The following CHD6 variants were observed in gnomAD, a reference collection of about 807,000 sequenced individuals.
CHD6 encodes the protein chromodomain helicase DNA binding protein 6, also known as ATP-dependent chromatin remodeler CHD6.
Under a neutral mutation model 276.9 loss-of-function variants are expected in CHD6, and 50 were observed. The observed-to-expected ratio is 0.18, with a 90% CI of 0.14 to 0.23. CHD6 has a LOEUF of 0.23. CHD6 is among the 10% of genes least tolerant of loss of function. The pLI is 1.00. For missense variants in CHD6, 2,564 were observed against 3,365.8 expected (o/e 0.76, Z 5.89); for synonymous variants, 1,173 against 1,229.3 (o/e 0.95, Z 0.96).
At chr20:41,593,547 G>C (rs965654134) in intron 1 of CHD6, among the ~76,000 whole-genome samples, 1 of 152,240 alleles carries the variant, frequency 6.6e-6, no homozygotes, top group African/African-American at 2.4e-5. Context: ...TTTTTCTCTG[G>C]TGACAACCCC....
At chr20:41,553,732 C>G (rs2045180463) in intron 1 of CHD6, among the ~76,000 whole-genome samples, 1 of 152,222 alleles carries the variant, frequency 6.6e-6, no homozygotes, top group Admixed American at 6.5e-5. Flanking sequence ...TAAAGATCGC[C>G]TTGCTGAGAG....
At chr20:41,540,470 T>G (rs924284580) in intron 2 of CHD6, among the ~76,000 whole-genome samples, 54 of 152,228 alleles carry the variant, frequency 3.5e-4, no homozygotes, top group African/African-American at 1.3e-3. Context: ...TTTACAGACT[T>G]CTATAATAAG....
In CHD6 at chr20:41,478,228, C is replaced by G. The variant is rs6129845; in HGVS notation, c.2469-4711G>C. Among the ~76,000 whole-genome samples, 10 of 152,236 alleles carry G rather than the reference C, an allele frequency of 6.6e-5. No homozygotes were observed. The East Asian group carries it at 1.7e-3, about 27-fold the overall frequency. On this transcript the variant is annotated intron_variant, in intron 16 of 36. Transcript: ENST00000373233. The stretch of plus-strand genomic sequence containing the variant: ...TTCTGGTTGGCTCCACAGTGCCCCC[C>G]CATCTGATGGCCTAAGATATCAGAC...
At chr20:41,593,961 C>T (rs937440845) in intron 1 of CHD6, among the ~76,000 whole-genome samples, 61 of 148,202 alleles carry the variant, frequency 4.1e-4, no homozygotes, top group African/African-American at 1.4e-3. Flanking sequence ...ATGGCCCTAA[C>T]GAACTAATGC....
intron 1 of CHD6, among the ~76,000 whole-genome samples, chr20:41,571,258 A>T (rs2045412595): frequency 6.6e-6 from 1 of 152,198 alleles, no homozygotes; most frequent in African/African-American, 2.4e-5. Flanking sequence ...GTGAGGCCAT[A>T]AAAAAGCTTA....
chr20:41,544,357 A>G (rs1358710086), intron 2 of CHD6, among the ~76,000 whole-genome samples: 1 of 152,176 alleles, frequency 6.6e-6, no homozygotes, highest in Non-Finnish European at 1.5e-5. Flanking sequence ...AGCTGCTTCA[A>G]AAACTTGGTC....
At chr20:41,427,654 A>G (rs2047407783) in intron 27 of CHD6, among the ~76,000 whole-genome samples, 1 of 152,228 alleles carries the variant, frequency 6.6e-6, no homozygotes, top group South Asian at 2.1e-4. Flanking sequence ...AAACATATTT[A>G]TAACAGAAGT....
Position 41,544,161 on chromosome 20 carries a change from A to T in CHD6, c.33+7144T>A, listed in dbSNP as rs2044996965. On this transcript the variant is annotated intron_variant, in intron 2 of 36. Transcript: ENST00000373233. ...AGGCTGAGGCATGATAATTGCTTGA[A>T]CCCGGGAGGTGGAGGTTGCAGTGAG... Among the ~76,000 whole-genome samples, 5 of 151,856 alleles carry T rather than the reference A, an allele frequency of 3.3e-5. No individual in the cohort carries two copies. The South Asian group carries it at 1.0e-3, about 32-fold the overall frequency.
At chr20:41,561,454 G>A (rs1295500401) in intron 1 of CHD6, among the ~76,000 whole-genome samples, 1 of 151,982 alleles carries the variant, frequency 6.6e-6, no homozygotes, top group Non-Finnish European at 1.5e-5. Context: ...TCTTCTCTTG[G>A]GTCATTATAG....
chr20:41,588,280 T>G (rs1465160654), intron 1 of CHD6, among the ~76,000 whole-genome samples: 2 of 152,160 alleles, frequency 1.3e-5, no homozygotes, highest in African/African-American at 4.8e-5. Flanking sequence ...AATAAGAATT[T>G]TATTTTCACT....
At chr20:41,593,431 G>C (rs967147039) in intron 1 of CHD6, among the ~76,000 whole-genome samples, 1 of 152,098 alleles carries the variant, frequency 6.6e-6, no homozygotes, top group Non-Finnish European at 1.5e-5. Flanking sequence ...AAGCCACTAA[G>C]AACTCAGAGA....
chr20:41,527,962 G>A (rs1209692057), intron 3 of CHD6, among the ~76,000 whole-genome samples: 1 of 152,200 alleles, frequency 6.6e-6, no homozygotes, highest in Admixed American at 6.5e-5. Context: ...AGGATGAGGA[G>A]CTGCACACAG....
At chr20:41,555,904 T>G (rs1465272392) in intron 1 of CHD6, among the ~76,000 whole-genome samples, 1 of 152,102 alleles carries the variant, frequency 6.6e-6, no homozygotes, top group Non-Finnish European at 1.5e-5. Context: ...GGCAGGCGGC[T>G]GGGTGGTGGA....
rs947055417 is a variant in CHD6 at position 41,485,824 on chromosome 20, C to T, written c.2002-1217G>A. ...CAATGTACAGTATTTCTGAAGATTG[C>T]TGAGAGTGGATTTTGAATGTTCTCA... On this transcript the variant is annotated intron_variant, in intron 14 of 36. Coordinates refer to ENST00000373233, the MANE Select transcript of CHD6 (RefSeq NM_032221.5). The T allele has an allele frequency of 3.3e-5, 5 of 152,176 alleles. No individual in the cohort carries two copies. The South Asian group carries it at 8.3e-4, about 25-fold the overall frequency. 9.4% of individuals were successfully genotyped at this position (152,176 alleles called of 1,614,324 possible).
Position 41,495,304 on chromosome 20 carries a change from G to C in CHD6, c.1093-1360C>G, listed in dbSNP as rs529636338. Among the ~76,000 whole-genome samples the C allele has an allele frequency of 9.8e-5, 15 of 152,314 alleles. No homozygotes were observed. The South Asian group carries it at 2.9e-3, about 29-fold the overall frequency. ...AAAAAAGAAAGAAATCCCATCATTT[G>C]CAACAACATGGATGAACCTGGAGGA... On this transcript the variant is annotated intron_variant, in intron 8 of 36. Transcript: ENST00000373233.
At chr20:41,577,091 A>T (rs1032181248) in intron 1 of CHD6, among the ~76,000 whole-genome samples, 1 of 152,268 alleles carries the variant, frequency 6.6e-6, no homozygotes, top group African/African-American at 2.4e-5. Context: ...TTGTTAAAAT[A>T]TAAGATACAT....
intron 17 of CHD6, among the ~76,000 whole-genome samples, chr20:41,472,289 G>C (rs1051553948): frequency 2.6e-5 from 4 of 151,822 alleles, no homozygotes; most frequent in African/African-American, 9.7e-5. Context: ...AACTCTGTAG[G>C]AGTGGGTGGG....
chr20:41,420,468 C>T (rs936861405), intron 31 of CHD6, 40 bp downstream of exon 31: 7 of 1,557,664 alleles, frequency 4.5e-6, no homozygotes, highest in Non-Finnish European at 6.0e-6. Flanking sequence ...CGTGTGTGAA[C>T]TAGTTTATCC....
rs570876950 is a variant in CHD6, at chr20:41,565,851, A to C, written c.-23-14491T>G. On this transcript the variant is annotated intron_variant, in intron 1 of 36. Transcript: ENST00000373233. ...AGTGCAGCAGTAAAGATGAAATGAAATTAACAAAGGCTGACCAATGATAAA... is the reference window on the plus strand; with the variant it reads ...AGTGCAGCAGTAAAGATGAAATGAACTTAACAAAGGCTGACCAATGATAAA... 2.8e-4 allele frequency among the ~76,000 whole-genome samples: 42 copies of C among 152,348 alleles called. 1 individual carries two copies. The highest frequency in any genetic ancestry group is 2.5e-3 in the Admixed American group (39 of 15,302).
Sources: allele counts gnomAD v4.1 joint callset (sites outside exome capture counted in the v4.1 genomes callset), GRCh38; gene constraint gnomAD v4.1.1; transcripts MANE v1.5; gene names NCBI Gene and HGNC (gene_info 2026-07-23, HGNC 2026-07-21).